SHROOM2: variants seen among roughly 807,000 people sequenced by gnomAD.
SHROOM2 encodes the protein protein Shroom2.
In SHROOM2, 33 loss-of-function variants were observed where a neutral mutation model predicts 75.9. The observed-to-expected ratio is 0.43, with a 90% CI of 0.33 to 0.58. The LOEUF is 0.58. SHROOM2 is among the 20% of genes least tolerant of loss of function. The probability of loss-of-function intolerance (pLI) is 0.04; values close to 1 mark genes in which losing one functional copy is unlikely to be tolerated. For missense variants in SHROOM2, 1,434 were observed against 1,461.2 expected (o/e 0.98, Z 0.30); for synonymous variants, 655 against 663.6 (o/e 0.99, Z 0.20).
chrX:9,839,893 G>A (rs761227188), intron 1 of SHROOM2, among the ~76,000 whole-genome samples: 9 of 112,245 alleles, frequency 8.0e-5, no homozygotes, highest in Non-Finnish European at 1.5e-4. Flanking sequence ...CTGTGCAGAT[G>A]TCTGTTTCCG....
At chrX:9,814,873 A>T (rs2083810518) in intron 1 of SHROOM2, among the ~76,000 whole-genome samples, 1 of 111,762 alleles carries the variant, frequency 8.9e-6, no homozygotes, top group Non-Finnish European at 1.9e-5. Context: ...GAGGCTGTGC[A>T]TGCATCTTTC....
intron 5 of SHROOM2, among the ~76,000 whole-genome samples, chrX:9,924,604 C>T (rs1414254822): frequency 9.0e-6 from 1 of 110,848 alleles, no homozygotes; most frequent in African/African-American, 3.3e-5. Flanking sequence ...AGTCCTCCTG[C>T]CTTGGCCTCC....
In SHROOM2 at chrX:9,896,394, C is replaced by G. The variant is rs766620817; in HGVS notation, c.2486C>G (p.Pro829Arg). The stretch of plus-strand genomic sequence containing the variant: ...ATCCCGAGAGACAAGCCAGAGAGGC[C>G]GCGGACAGCGGGCCGCACATGTGAG... The part of the protein sequence containing the change: ...HGIPRDKPER[P>R]RTAGRTCEGT... The change falls in exon 4 of 10, where the codon CCG becomes CGG. Residue 829 changes from proline (P) to arginine (R), a missense_variant. Physicochemically the swap from Pro to Arg is moderately radical, Grantham distance 103 (BLOSUM62 -2). This residue lies in a region of SHROOM2 where 1,340 missense variants were observed against 1,338.3 expected (regional missense o/e 1.00). Transcript: ENST00000380913. 1 of 1,212,284 alleles carries G rather than the reference C, an allele frequency of 8.2e-7. No individual in the cohort carries two copies. The highest frequency in any genetic ancestry group is 1.1e-6 in the Non-Finnish European group (1 of 895,643).
At chrX:9,803,322 T>C (rs1198435015) in intron 1 of SHROOM2, among the ~76,000 whole-genome samples, 1 of 111,684 alleles carries the variant, frequency 9.0e-6, no homozygotes, top group Non-Finnish European at 1.9e-5. Context: ...ACATGAGCCA[T>C]ACAAAGACTT....
chrX:9,890,367 AAAAAT>A (rs912445496), intron 2 of SHROOM2, among the ~76,000 whole-genome samples: 2 of 113,134 alleles, frequency 1.8e-5, no homozygotes, highest in African/African-American at 6.4e-5. Context: ...ACTCTGTCTC[AAAAAT>A]AAAATAAAAA....
intron 9 of SHROOM2, among the ~76,000 whole-genome samples, chrX:9,945,170 C>T (rs896576867): frequency 9.0e-6 from 1 of 111,057 alleles, no homozygotes; most frequent in Non-Finnish European, 1.9e-5. Context: ...TGCAGTGGTG[C>T]GATCTCGGCT....
chrX:9,872,604 G>A (rs2084177183), intron 1 of SHROOM2, among the ~76,000 whole-genome samples: 1 of 111,878 alleles, frequency 8.9e-6, no homozygotes, highest in Non-Finnish European at 1.9e-5. Flanking sequence ...AGAATGGATG[G>A]CATTCAAGCT....
At chrX:9,831,413 C>T (rs1216138024) in intron 1 of SHROOM2, among the ~76,000 whole-genome samples, 2 of 112,032 alleles carry the variant, frequency 1.8e-5, no homozygotes, top group African/African-American at 3.3e-5. Flanking sequence ...AATCCCAGCA[C>T]TTTGGGAGGC....
chrX:9,940,395 C>T (rs773294348), intron 8 of SHROOM2, among the ~76,000 whole-genome samples: 2 of 111,715 alleles, frequency 1.8e-5, no homozygotes, highest in South Asian at 3.7e-4. Context: ...TTGATTCTGC[C>T]GCCCTCATCT....
At chrX:9,828,132 AC>A (rs767577607) in intron 1 of SHROOM2, among the ~76,000 whole-genome samples, 1 of 113,001 alleles carries the variant, frequency 8.8e-6, no homozygotes, top group South Asian at 3.6e-4. Context: ...CGCACATCTT[AC>A]GTGGCAGCAG....
chrX:9,861,837 G>A (rs981027787), intron 1 of SHROOM2, among the ~76,000 whole-genome samples: 1 of 111,136 alleles, frequency 9.0e-6, no homozygotes, highest in African/African-American at 3.3e-5. Flanking sequence ...CTTTTGAAAC[G>A]CTCCGTGCCC....
intron 5 of SHROOM2, among the ~76,000 whole-genome samples, chrX:9,916,853 T>A (rs1440083149): frequency 1.8e-5 from 2 of 112,052 alleles, no homozygotes; most frequent in African/African-American, 6.5e-5. Context: ...GCCTTCCAGA[T>A]GTTAGTGGGT....
chrX:9,853,862 T>C (rs2084053170), intron 1 of SHROOM2, among the ~76,000 whole-genome samples: 1 of 112,004 alleles, frequency 8.9e-6, no homozygotes, highest in Non-Finnish European at 1.9e-5. Flanking sequence ...AGCATAGACA[T>C]TGATGAATTT....
chrX:9,914,032 TCTGTTTCTCCGCCTCCAC>T (rs2084460001), intron 5 of SHROOM2, among the ~76,000 whole-genome samples: 1 of 108,486 alleles, frequency 9.2e-6, no homozygotes, highest in Non-Finnish European at 1.9e-5. Flanking sequence ...TTTGTCCCTT[TCTGTTTCTCCGCCTCCAC>T]CTGCGCCCAC....
rs774991614 is a variant in SHROOM2 at position 9,848,510 on chromosome X, C to CAAAAA, written c.166-25125_166-25121dup. ...TGGGCGACAGAGCGAGACTCCGTCT[C>CAAAAA]AAAAAAAAAAAAAAAAAAAAAGAAA... On this transcript the variant is annotated intron_variant, in intron 1 of 9. Coordinates refer to ENST00000380913, the MANE Select transcript of SHROOM2 (RefSeq NM_001649.4). 3.7e-3 allele frequency among the ~76,000 whole-genome samples: 81 copies of CAAAAA among 21,942 alleles called. 1 individual carries two copies. Among genetic ancestry groups the CAAAAA allele is most frequent in the Non-Finnish European group, 4.1e-3 (47 of 11,509 alleles). The allele number at this position is 21,942 out of a possible 115,157, so 19.1% of individuals were successfully genotyped here.
chrX:9,946,637 C>G, intron 9 of SHROOM2, 34 bp from the exon 10 acceptor site: 1 of 1,188,240 alleles, frequency 8.4e-7, no homozygotes, highest in Non-Finnish European at 1.1e-6. Context: ...AGCTTTCATC[C>G]TGGTCCTCAA....
chrX:9,839,393 G>T (rs181345929), intron 1 of SHROOM2, among the ~76,000 whole-genome samples: 100 of 111,311 alleles, frequency 9.0e-4, no homozygotes, highest in Non-Finnish European at 1.5e-3. Context: ...AAAGGAAGCC[G>T]CATTTGCTCA....
intron 5 of SHROOM2, among the ~76,000 whole-genome samples, chrX:9,914,553 T>G (rs2084469045): frequency 1.8e-5 from 2 of 111,084 alleles, no homozygotes; most frequent in African/African-American, 6.6e-5. Flanking sequence ...CTAGAGCAAG[T>G]AAGACAGTCG....
intron 1 of SHROOM2, among the ~76,000 whole-genome samples, chrX:9,838,585 C>T (rs905093977): frequency 8.1e-5 from 9 of 111,629 alleles, no homozygotes; most frequent in Admixed American, 9.6e-5. Context: ...CATAGTATGT[C>T]GTATAGCCTT....
Sources: allele counts gnomAD v4.1 joint callset (sites outside exome capture counted in the v4.1 genomes callset), GRCh38; gene constraint gnomAD v4.1.1; regional missense constraint gnomAD v4.1.1; transcripts MANE v1.5; gene names NCBI Gene and HGNC (gene_info 2026-07-23, HGNC 2026-07-21).